Variants in KDM3B observed in about 807,000 individuals in gnomAD.
KDM3B encodes the protein lysine-specific demethylase 3B.
KDM3B carries 10 observed loss-of-function variants against 170.0 expected under a neutral mutation model. The observed-to-expected ratio is 0.06, with a 90% confidence interval of 0.04 to 0.10. KDM3B has a LOEUF of 0.10. Among genes scored for constraint, KDM3B ranks in the 10% least tolerant of loss-of-function variants. The pLI, the probability that KDM3B is intolerant of heterozygous loss-of-function variation, is 1.00. For missense variants in KDM3B, 1,394 were observed against 2,195.2 expected, an observed-to-expected ratio of 0.64 and a Z score of 7.29; for synonymous variants, 831 against 834.8, an observed-to-expected ratio of 1.00 and a Z score of 0.08.
At chr5:138,370,290 A>G (rs1298055364) in intron 1 of KDM3B, among the ~76,000 whole-genome samples, 2 of 152,188 alleles carry the variant, frequency 1.3e-5, no homozygotes, top group Non-Finnish European at 2.9e-5. Context: ...TTGGAGTATT[A>G]CAGATAATAG....
At chr5:138,398,055 CT>C (rs1762590128) in intron 9 of KDM3B, 122 bp from the exon 10 acceptor site, 1 of 703,748 alleles carries the variant, frequency 1.4e-6, no homozygotes. Flanking sequence ...TTTTGGTCGA[CT>C]GGTGAAAATT....
chr5:138,425,858 T>G, intron 17 of KDM3B: 1 of 258,934 alleles, frequency 3.9e-6, no homozygotes, highest in Non-Finnish European at 7.6e-6. Flanking sequence ...ATACAAAAAT[T>G]AGCTGGGTAT....
Position 138,436,947 on chromosome 5 carries a change from T to G in KDM3B, c.*1247T>G, listed in dbSNP as rs1763691407. 6.6e-6 allele frequency: 1 copy of G among 152,068 alleles called. No homozygotes were observed. Among genetic ancestry groups the G allele is most frequent in the African/African-American group, 2.4e-5 (1 of 41,380 alleles). 9.4% of individuals were successfully genotyped at this position (152,068 alleles called of 1,614,324 possible). The stretch of plus-strand genomic sequence containing the variant: ...AAAAGTCATTTAATGTAGAATACTT[T>G]TAATTTCACTTTCTGTATTTTAATT... On this transcript the variant is annotated 3_prime_UTR_variant, in exon 24 of 24. Coordinates refer to ENST00000314358, the MANE Select transcript of KDM3B (RefSeq NM_016604.4).
chr5:138,358,478 T>A (rs1477448420), intron 1 of KDM3B, among the ~76,000 whole-genome samples: 12 of 150,348 alleles, frequency 8.0e-5, no homozygotes, highest in African/African-American at 2.4e-4. Flanking sequence ...AATTTTTTTT[T>A]ATTTATTAGT....
intron 14 of KDM3B, among the ~76,000 whole-genome samples, chr5:138,420,433 T>A (rs1763242896): frequency 1.3e-5 from 2 of 152,130 alleles, no homozygotes; most frequent in Non-Finnish European, 1.5e-5. Context: ...AACACTGTCT[T>A]AGGAAGTGAG....
At chr5:138,353,441 A>G (rs550834759) in intron 1 of KDM3B, among the ~76,000 whole-genome samples, 5 of 152,096 alleles carry the variant, frequency 3.3e-5, no homozygotes, top group Non-Finnish European at 7.4e-5. Flanking sequence ...TGGGGCGGGA[A>G]TGTGGGCAGT....
intron 1 of KDM3B, among the ~76,000 whole-genome samples, chr5:138,365,447 G>A (rs1272463799): frequency 6.6e-6 from 1 of 151,728 alleles, no homozygotes; most frequent in Non-Finnish European, 1.5e-5. Flanking sequence ...TAGTAGAGAT[G>A]GGGTTTCACC....
intron 15 of KDM3B, among the ~76,000 whole-genome samples, chr5:138,422,144 A>G (rs1379102386): frequency 6.6e-6 from 1 of 152,178 alleles, no homozygotes; most frequent in African/African-American, 2.4e-5. Context: ...AGTTCTGCAC[A>G]TACCGATTTT....
chr5:138,431,314 A>G (rs1383780616), intron 22 of KDM3B, 111 bp from the exon 23 acceptor site: 3 of 898,234 alleles, frequency 3.3e-6, no homozygotes, highest in Non-Finnish European at 4.8e-6. Context: ...ATAAAAATGG[A>G]AATATTATAC....
chr5:138,417,802 C>T (rs1763141360), intron 13 of KDM3B, 192 bp downstream of exon 13: 1 of 545,048 alleles, frequency 1.8e-6, no homozygotes, highest in Non-Finnish European at 3.3e-6. Flanking sequence ...GGTACAGTTT[C>T]TCTTCATCTT....
intron 15 of KDM3B, 99 bp downstream of exon 15, chr5:138,421,061 C>A: frequency 7.3e-7 from 1 of 1,367,306 alleles, no homozygotes; most frequent in South Asian, 1.3e-5. Flanking sequence ...GATTTGTGTT[C>A]TCTACATTGT....
At chr5:138,419,728 T>TACACACACACACACACACAC (rs144047213) in intron 14 of KDM3B, among the ~76,000 whole-genome samples, 19 of 122,190 alleles carry the variant, frequency 1.6e-4, no homozygotes, top group East Asian at 4.8e-4. Flanking sequence ...TACACACACA[T>TACACACACACACACACACAC]ACACACACAC....
rs764072781 is a variant in KDM3B, at chr5:138,381,577, C to T, written c.767C>T (p.Ala256Val). The change falls in exon 6 of 24, where the codon GCG (alanine) becomes GTG (valine). Residue 256 changes from alanine to valine, a missense_variant. Physicochemically the swap from Ala to Val is moderately conservative, Grantham distance 64 (BLOSUM62 0). Transcript: ENST00000314358. ...LIHVMLMDNS[A>V]PQSEGGTLKA... ...CATGTGATGCTGATGGATAATTCAG[C>T]GCCTCAAAGCGAGGTACAGTAATGG... The T allele has an allele frequency of 3.2e-5, 51 of 1,594,722 alleles. No homozygotes were observed. The highest frequency in any genetic ancestry group is 4.0e-5 in the Non-Finnish European group (47 of 1,162,364).
chr5:138,417,628 G>C lies in KDM3B; in HGVS notation c.3435+18G>C, dbSNP rs769501333. ...TGTCACAGGTAAACTGGTGTGTGTG[G>C]GTATAACTAAGTGAAGCCTAAATTT... On this transcript the variant is annotated intron_variant, in intron 13 of 23. Coordinates refer to ENST00000314358, the MANE Select transcript of KDM3B (RefSeq NM_016604.4). The C allele has an allele frequency of 1.2e-6, 2 of 1,606,820 alleles. No homozygotes were observed. The highest frequency in any genetic ancestry group is 1.7e-6 in the Non-Finnish European group (2 of 1,174,776).
chr5:138,426,862 CAAAAAAAA>C (rs60899302), intron 17 of KDM3B, 105 bp from the exon 18 acceptor site: 3 of 553,622 alleles, frequency 5.4e-6, no homozygotes, highest in African/African-American at 2.5e-5. Flanking sequence ...GACTCTGTCT[CAAAAAAAA>C]AAAAAAAAAA....
chr5:138,412,251 G>A (rs1178619622), intron 11 of KDM3B, among the ~76,000 whole-genome samples: 1 of 150,854 alleles, frequency 6.6e-6, no homozygotes. Context: ...CAGGAGGATC[G>A]CTTGAACCCA....
At chr5:138,356,773 G>A (rs1388522635) in intron 1 of KDM3B, among the ~76,000 whole-genome samples, 1 of 151,468 alleles carries the variant, frequency 6.6e-6, no homozygotes, top group Non-Finnish European at 1.5e-5. Flanking sequence ...CTCCCGAGTA[G>A]TTGGGACTAC....
intron 3 of KDM3B, among the ~76,000 whole-genome samples, chr5:138,376,214 G>T (rs1183907383): frequency 2.6e-5 from 4 of 151,916 alleles, no homozygotes; most frequent in Admixed American, 6.6e-5. Flanking sequence ...CTGGCCTCAA[G>T]TGATCCACCT....
chr5:138,423,238 T>G (rs60271703), intron 15 of KDM3B, among the ~76,000 whole-genome samples: 38,405 of 152,214 alleles, frequency 0.25, 5,459 homozygotes, highest in East Asian at 0.56. Context: ...TGAGCCACCG[T>G]GCCCAGCCTG....
Sources: gnomAD v4.1 joint callset for allele counts (sites outside exome capture counted in the v4.1 genomes callset) on GRCh38, gnomAD v4.1.1 for gene constraint, MANE v1.5 for transcripts, NCBI Gene and HGNC (gene_info 2026-07-23, HGNC 2026-07-21) for gene names.